TTBK1: variants seen among roughly 807,000 people sequenced by gnomAD.
TTBK1 encodes the protein tau-tubulin kinase 1.
In TTBK1, 34 loss-of-function variants were observed where a neutral mutation model predicts 108.5. The observed-to-expected ratio is 0.31, with a 90% CI of 0.24 to 0.42. The LOEUF is 0.42. Ranked by LOEUF, TTBK1 falls within the 10% of genes least tolerant of loss-of-function variation. The pLI, the probability that TTBK1 is intolerant of heterozygous loss-of-function variation, is 1.00. For synonymous variants in TTBK1, 809 were observed against 795.1 expected (o/e 1.02, Z -0.29); for missense variants, 1,539 against 1,826.0 (o/e 0.84, Z 2.86).
chr6:43,271,995 G>T (rs1777847538), intron 13 of TTBK1: 2 of 985,242 alleles, frequency 2.0e-6, no homozygotes, highest in Non-Finnish European at 2.4e-6. Flanking sequence ...GGTCAAGGTG[G>T]ACCCTTTGAG....
At chr6:43,272,166 T>C in intron 13 of TTBK1, 2 of 985,396 alleles carry the variant, frequency 2.0e-6, no homozygotes, top group African/African-American at 1.7e-5. Context: ...CTGCCCACCA[T>C]CTGCTCCATA....
chr6:43,281,563 G>A (rs991474539), intron 13 of TTBK1, among the ~76,000 whole-genome samples: 1 of 152,130 alleles, frequency 6.6e-6, no homozygotes, highest in African/African-American at 2.4e-5. Context: ...GGAAAGGCAA[G>A]GCTGTGCTCG....
chr6:43,277,526 C>G (rs1778034569), intron 13 of TTBK1, among the ~76,000 whole-genome samples: 1 of 152,244 alleles, frequency 6.6e-6, no homozygotes, highest in Non-Finnish European at 1.5e-5. Flanking sequence ...ACGCCCCCCA[C>G]AGGCTGTCAG....
intron 13 of TTBK1, among the ~76,000 whole-genome samples, chr6:43,275,652 G>C (rs1362859318): frequency 6.6e-6 from 1 of 151,808 alleles, no homozygotes; most frequent in Non-Finnish European, 1.5e-5. Flanking sequence ...AGAGTTGAGG[G>C]GGAGCAGAGC....
Position 43,262,969 on chromosome 6 carries a change from G to A in TTBK1, c.1605G>A (p.Glu535=), listed in dbSNP as rs1777581730. The change falls in exon 13 of 15, where the codon GAG becomes GAA. Residue 535 remains glutamate, a synonymous_variant. Coordinates refer to ENST00000259750, the MANE Select transcript of TTBK1 (RefSeq NM_032538.3). The part of the protein sequence containing the change: ...NAFRSVPLAE[E]EDFDSKEWVI... Reference sequence around the variant, plus strand: ...TCCGCTCGGTGCCGCTGGCTGAGGAGGAGGATTTCGACAGCAAAGAGTGGG... The same window carrying A: ...TCCGCTCGGTGCCGCTGGCTGAGGAAGAGGATTTCGACAGCAAAGAGTGGG... 1 of 1,613,440 alleles carries A rather than the reference G, an allele frequency of 6.2e-7. No homozygotes were observed. Among genetic ancestry groups the A allele is most frequent in the Non-Finnish European group, 8.5e-7 (1 of 1,179,762 alleles).
Position 43,259,832 on chromosome 6 carries a change from A to G in TTBK1, c.1424+126A>G, listed in dbSNP as rs976904396. 1.0e-4 allele frequency: 106 copies of G among 1,026,836 alleles called. No individual in the cohort carries two copies. The African/African-American group carries it at 1.6e-3, about 16-fold the overall frequency. 63.6% of individuals were successfully genotyped at this position (1,026,836 alleles called of 1,614,324 possible). On this transcript the variant is annotated intron_variant, in intron 12 of 14. Transcript: ENST00000259750. The surrounding 1 kb of genome is among the most constrained non-coding windows in gnomAD (Gnocchi z 6.7). ...CCCTGGGAAGTGCTGAGAGGGTTATACTTGGGCCTGGGGTCAGACTCAGTT... is the reference window on the plus strand; with the variant it reads ...CCCTGGGAAGTGCTGAGAGGGTTATGCTTGGGCCTGGGGTCAGACTCAGTT...
chr6:43,250,852 G>C (rs1269090393), intron 2 of TTBK1, among the ~76,000 whole-genome samples: 1 of 152,160 alleles, frequency 6.6e-6, no homozygotes, highest in Non-Finnish European at 1.5e-5. Context: ...CCTTTCCTCT[G>C]TTCTCGCACA....
At chr6:43,262,026 A>G (rs1056565647) in intron 12 of TTBK1, among the ~76,000 whole-genome samples, 1 of 152,156 alleles carries the variant, frequency 6.6e-6, no homozygotes, top group Non-Finnish European at 1.5e-5. Flanking sequence ...CTACCTGCCC[A>G]AGGTGACAGC....
chr6:43,285,256 G>A lies in TTBK1; in HGVS notation c.3846G>A (p.Gln1282=). The A allele has an allele frequency of 7.7e-7, 1 of 1,296,338 alleles. No individual in the cohort carries two copies. Among genetic ancestry groups the A allele is most frequent in the Non-Finnish European group, 9.7e-7 (1 of 1,026,718 alleles). The allele number at this position is 1,296,338 out of a possible 1,614,324, so 80.3% of individuals were successfully genotyped here. A position where few individuals can be genotyped will look rare whatever the true frequency, so the allele number is the denominator to read the frequency against. Residue 1282 remains glutamine, a synonymous_variant, in exon 15 of 15, where the codon CAG becomes CAA. Transcript: ENST00000259750. The surrounding 1 kb of genome is among the most constrained non-coding windows in gnomAD (Gnocchi z 4.7). ...PPRGVPPARA[Q]PDGTPSPGGS... is the part of the protein sequence containing the mutation. Reference sequence around the variant, plus strand: ...GGGGCGTCCCGCCGGCCCGGGCCCAGCCTGATGGCACCCCCTCCCCCGGGG... The same window carrying A: ...GGGGCGTCCCGCCGGCCCGGGCCCAACCTGATGGCACCCCCTCCCCCGGGG...
In TTBK1 at chr6:43,283,666, C is replaced by T. The variant is rs752286077; in HGVS notation, c.2926C>T (p.Arg976Ter). The T allele has an allele frequency of 1.9e-6, 3 of 1,613,914 alleles. No individual in the cohort carries two copies. The highest frequency in any genetic ancestry group is 1.3e-5 in the African/African-American group (1 of 75,024). ...TGGGGGCGCTGTGGAGGAGGGGGCC[C>T]GAGCGCCCCTGGAGAACGGCCTCGC... ...SDGGAVEEGA[R>*]APLENGLALS... The change falls in exon 14 of 15, where the codon CGA (arginine) becomes TGA (stop). Residue 976 changes from arginine to a stop codon, truncating the protein, a stop_gained. Coordinates refer to ENST00000259750, the MANE Select transcript of TTBK1 (RefSeq NM_032538.3). LOFTEE classifies it high-confidence loss of function. The surrounding 1 kb of genome is among the most constrained non-coding windows in gnomAD (Gnocchi z 8.1).
chr6:43,283,337 C>G lies in TTBK1; in HGVS notation c.2597C>G (p.Thr866Ser). ...DPDLGTLAAL[T>S]PQHERPQPTG... The stretch of plus-strand genomic sequence containing the variant: ...GACCTGGGCACCCTGGCTGCCCTCA[C>G]TCCTCAGCATGAGCGGCCCCAGCCC... Residue 866 changes from threonine to serine, a missense_variant, in exon 14 of 15, where the codon ACT becomes AGT. By Grantham distance (58) the Thr-to-Ser change is moderately conservative (BLOSUM62 1). This residue lies in a region of TTBK1 where 1,055 missense variants were observed against 1,086.5 expected (regional missense o/e 0.97). Transcript: ENST00000259750. This position sits in a 1 kb window ranked among gnomAD's most constrained non-coding sequence, Gnocchi z 8.1. 1 of 1,590,110 alleles carries G rather than the reference C, an allele frequency of 6.3e-7. No individual in the cohort carries two copies.
intron 13 of TTBK1, among the ~76,000 whole-genome samples, chr6:43,267,903 G>T (rs1777726477): frequency 1.3e-5 from 2 of 152,202 alleles, no homozygotes; most frequent in African/African-American, 4.8e-5. Context: ...GGACAAAGAT[G>T]AATAAAGCTG....
rs1409645693 is a variant in TTBK1, at chr6:43,283,124, G to A, written c.2384G>A (p.Arg795Lys). Reference sequence around the variant, plus strand: ...GGCTCCAGCAGTGAGGGGAGTGAGAGGAGCACTGACCGGAGCCAGGAGGGT... The same window carrying A: ...GGCTCCAGCAGTGAGGGGAGTGAGAAGAGCACTGACCGGAGCCAGGAGGGT... ...RSGSSSEGSERSTDRSQEGAP... is the reference protein window; with the variant it reads ...RSGSSSEGSEKSTDRSQEGAP... Residue 795 changes from arginine to lysine, a missense_variant, in exon 14 of 15, where the codon AGG (arginine) becomes AAG (lysine). Physicochemically the swap from Arg to Lys is conservative, Grantham distance 26. Coordinates refer to ENST00000259750, the MANE Select transcript of TTBK1 (RefSeq NM_032538.3). The surrounding 1 kb of genome is among the most constrained non-coding windows in gnomAD (Gnocchi z 8.1). 6.3e-7 allele frequency: 1 copy of A among 1,577,014 alleles called. No homozygotes were observed. The highest frequency in any genetic ancestry group is 1.3e-5 in the African/African-American group (1 of 74,280).
At position 43,272,655 on chromosome 6, in the gene TTBK1, G is replaced by T. The variant is rs961897080; in HGVS notation, c.1986+9305G>T. On this transcript the variant is annotated intron_variant, in intron 13 of 14. Coordinates refer to ENST00000259750, the MANE Select transcript of TTBK1 (RefSeq NM_032538.3). ...GATCTTAATAATATTATCTTTTCGG[G>T]GTGGCTTTGACTCTTGGAGATTGTT... 14 of 985,180 alleles carry T rather than the reference G, an allele frequency of 1.4e-5. No individual in the cohort carries two copies. In the South Asian group the frequency reaches 3.8e-4, roughly 26 times the overall value. 61.0% of individuals were successfully genotyped at this position (985,180 alleles called of 1,614,324 possible).
At chr6:43,280,302 G>T (rs532778025) in intron 13 of TTBK1, among the ~76,000 whole-genome samples, 1 of 152,224 alleles carries the variant, frequency 6.6e-6, no homozygotes, top group African/African-American at 2.4e-5. Context: ...TTCCCCACAC[G>T]CTATTCCCCA....
At chr6:43,266,881 G>A (rs1157241323) in intron 13 of TTBK1, among the ~76,000 whole-genome samples, 3 of 152,116 alleles carry the variant, frequency 2.0e-5, no homozygotes, top group Non-Finnish European at 4.4e-5. Flanking sequence ...CTCCCAAATT[G>A]CTGGGATTAC....
intron 1 of TTBK1, among the ~76,000 whole-genome samples, chr6:43,246,289 C>G (rs980674843): frequency 2.0e-5 from 3 of 152,228 alleles, no homozygotes; most frequent in Non-Finnish European, 4.4e-5. Flanking sequence ...GGGTCCCAGT[C>G]TGGTATGCCC....
intron 13 of TTBK1, among the ~76,000 whole-genome samples, chr6:43,266,563 C>A (rs1425395259): frequency 6.6e-6 from 1 of 152,104 alleles, no homozygotes; most frequent in Admixed American, 6.5e-5. Context: ...TGAACCCAGG[C>A]AACTCGTTCC....
chr6:43,256,154 T>TTTTTG (rs1777375535), intron 9 of TTBK1, among the ~76,000 whole-genome samples: 1 of 151,100 alleles, frequency 6.6e-6, no homozygotes, highest in Non-Finnish European at 1.5e-5. Flanking sequence ...TTTTTTTTTT[T>TTTTTG]AGACATAATC....
Sources: allele counts gnomAD v4.1 joint callset (sites outside exome capture counted in the v4.1 genomes callset), GRCh38; gene constraint gnomAD v4.1.1; regional missense constraint gnomAD v4.1.1; non-coding constraint Gnocchi (gnomAD v3.1); transcripts MANE v1.5; gene names NCBI Gene and HGNC (gene_info 2026-07-23, HGNC 2026-07-21).